The following CHL1 variants were observed in gnomAD, a reference collection of about 807,000 sequenced individuals.
CHL1 encodes the protein neural cell adhesion molecule L1-like protein.
CHL1 carries 96 observed loss-of-function variants against 141.9 expected under a neutral mutation model. The observed-to-expected ratio is 0.68, with a 90% CI of 0.57 to 0.80. The LOEUF is 0.80. Ranked by LOEUF, CHL1 falls within the 30% of genes least tolerant of loss-of-function variation. The pLI, the probability that CHL1 is intolerant of heterozygous loss-of-function variation, is 0.00. For synonymous variants in CHL1, 613 were observed against 502.2 expected (o/e 1.22, Z -2.95); for missense variants, 1,820 against 1,457.2 (o/e 1.25, Z -4.05).
chr3:399,503 G>C (rs1018346052), intron 26 of CHL1, among the ~76,000 whole-genome samples: 5 of 152,112 alleles, frequency 3.3e-5, no homozygotes, highest in African/African-American at 4.8e-5. Context: ...AGCCGGGCAT[G>C]GTGGCAGCTG....
chr3:349,616 C>G (rs923477712), intron 10 of CHL1, 73 bp downstream of exon 10: 2 of 1,250,022 alleles, frequency 1.6e-6, no homozygotes, highest in Non-Finnish European at 2.3e-6. Flanking sequence ...GGCCTTGCTT[C>G]TAAATCATAC....
intron 1 of CHL1, among the ~76,000 whole-genome samples, chr3:242,370 GCA>G (rs1559324807): frequency 1.7e-4 from 24 of 145,098 alleles, no homozygotes; most frequent in African/African-American, 2.3e-4. Context: ...GCTGAGGGGG[GCA>G]GATCACGAGG....
intron 16 of CHL1, among the ~76,000 whole-genome samples, chr3:378,916 G>A (rs925118412): frequency 7.2e-4 from 109 of 152,220 alleles, no homozygotes; most frequent in African/African-American, 2.4e-3. Context: ...TCGTAAATTT[G>A]TGTGAGTTAT....
At chr3:224,656 T>A (rs1432239000) in intron 1 of CHL1, among the ~76,000 whole-genome samples, 1 of 152,158 alleles carries the variant, frequency 6.6e-6, no homozygotes, top group Non-Finnish European at 1.5e-5. Context: ...GCCATGCTTG[T>A]ACAGCTTGAA....
chr3:385,108 T>G (rs977142538), intron 19 of CHL1, among the ~76,000 whole-genome samples: 9 of 152,212 alleles, frequency 5.9e-5, no homozygotes, highest in Non-Finnish European at 8.8e-5. Context: ...GATAATTACT[T>G]AATTTATAGT....
At chr3:242,386 G>A (rs1234510886) in intron 1 of CHL1, among the ~76,000 whole-genome samples, 1 of 142,400 alleles carries the variant, frequency 7.0e-6, no homozygotes, top group Non-Finnish European at 1.5e-5. Context: ...CACGAGGTCA[G>A]GAGATCGAGA....
intron 2 of CHL1, among the ~76,000 whole-genome samples, chr3:267,085 A>T (rs552750234): frequency 1.6e-3 from 239 of 152,246 alleles, no homozygotes; most frequent in African/African-American, 5.6e-3. Flanking sequence ...TTTTTGCAGT[A>T]TGTATTTCCT....
intron 1 of CHL1, among the ~76,000 whole-genome samples, chr3:198,470 C>T (rs1248165273): frequency 6.6e-6 from 1 of 152,194 alleles, no homozygotes; most frequent in Non-Finnish European, 1.5e-5. Flanking sequence ...CACGTGGCTT[C>T]GAATTCCAGC....
At chr3:301,909 C>A (rs1001005086) in intron 2 of CHL1, among the ~76,000 whole-genome samples, 1 of 152,174 alleles carries the variant, frequency 6.6e-6, no homozygotes, top group Non-Finnish European at 1.5e-5. Flanking sequence ...AGCACCGCAC[C>A]GCCAACAGGC....
At chr3:384,085 G>C (rs1348553959) in intron 19 of CHL1, among the ~76,000 whole-genome samples, 199 bp downstream of exon 19, 1 of 151,934 alleles carries the variant, frequency 6.6e-6, no homozygotes, top group Non-Finnish European at 1.5e-5. Flanking sequence ...GTTTAACACT[G>C]GTCAACAATT....
At chr3:378,305 TCGATA>T (rs1706599368) in intron 16 of CHL1, among the ~76,000 whole-genome samples, 1 of 152,098 alleles carries the variant, frequency 6.6e-6, no homozygotes, top group Non-Finnish European at 1.5e-5. Flanking sequence ...CTGGAGGATC[TCGATA>T]GGGGTCAAGA....
rs1184672403 is a variant in CHL1, at chr3:196,819, C to G, written c.-419C>G. 1 of 152,552 alleles carries G rather than the reference C, an allele frequency of 6.6e-6. No homozygotes were observed. The highest frequency in any genetic ancestry group is 2.4e-5 in the African/African-American group (1 of 41,466). The allele number at this position is 152,552 out of a possible 1,614,324, so 9.4% of individuals were successfully genotyped here. A position where few individuals can be genotyped will look rare whatever the true frequency, so the allele number is the denominator to read the frequency against. On this transcript the variant is annotated 5_prime_UTR_variant, in exon 1 of 28. Coordinates refer to ENST00000256509, the MANE Select transcript of CHL1 (RefSeq NM_006614.4). The stretch of plus-strand genomic sequence containing the variant: ...CCAGCCTCCGGCAGGAGGGCGTAGA[C>G]CCCGGTGCCAGCCAGAACGGCTCCA...
At chr3:394,979 A>G in intron 24 of CHL1, 107 bp downstream of exon 24, 1 of 936,188 alleles carries the variant, frequency 1.1e-6, no homozygotes, top group South Asian at 2.0e-5. Flanking sequence ...TGTAAATTAG[A>G]AATGATTGTG....
chr3:260,160 A>T (rs896793283), intron 2 of CHL1, among the ~76,000 whole-genome samples: 1 of 152,156 alleles, frequency 6.6e-6, no homozygotes, highest in Non-Finnish European at 1.5e-5. Flanking sequence ...GTTACTCAGG[A>T]GGCTGAGGCA....
intron 11 of CHL1, among the ~76,000 whole-genome samples, chr3:359,912 T>C (rs1334905680): frequency 2.0e-5 from 3 of 152,166 alleles, no homozygotes. Context: ...GTTGACCATG[T>C]GACTTGTGCC....
chr3:338,274 T>C (rs1325027172), intron 5 of CHL1, among the ~76,000 whole-genome samples: 1 of 152,240 alleles, frequency 6.6e-6, no homozygotes, highest in Non-Finnish European at 1.5e-5. Flanking sequence ...GAAGTACCCA[T>C]GTGAAATATA....
At chr3:203,776 A>G (rs1487505180) in intron 1 of CHL1, among the ~76,000 whole-genome samples, 1 of 152,244 alleles carries the variant, frequency 6.6e-6, no homozygotes, top group Non-Finnish European at 1.5e-5. Context: ...TTGCTTCTTC[A>G]GCAAGGCAGT....
intron 1 of CHL1, among the ~76,000 whole-genome samples, chr3:202,078 T>C (rs929355253): frequency 6.6e-6 from 1 of 152,146 alleles, no homozygotes; most frequent in African/African-American, 2.4e-5. Context: ...AAAATCTAAG[T>C]CTGTCAGCTT....
Position 382,572 on chromosome 3 carries a change from G to A in CHL1, c.2077G>A (p.Ala693Thr), listed in dbSNP as rs138223591. 25 of 1,613,734 alleles carry A rather than the reference G, an allele frequency of 1.5e-5. No homozygotes were observed. The highest frequency in any genetic ancestry group is 2.7e-5 in the African/African-American group (2 of 74,864). Residue 693 changes from alanine to threonine, a missense_variant, in exon 18 of 28, where the codon GCT (alanine) becomes ACT (threonine). Transcript: ENST00000256509. ...GAAAACCACAGTTATCTTACCTTTG[G>A]CTCCATTTGTGAGATACCAGTTCAG... ...GKKTTVILPL[A>T]PFVRYQFRVI...
Sources: gnomAD v4.1 joint callset for allele counts (sites outside exome capture counted in the v4.1 genomes callset) on GRCh38, gnomAD v4.1.1 for gene constraint, MANE v1.5 for transcripts, NCBI Gene and HGNC (gene_info 2026-07-23, HGNC 2026-07-21) for gene names.